The following P2RY14 variants were observed in gnomAD, a reference collection of about 807,000 sequenced individuals.
P2RY14 encodes P2Y purinoceptor 14.
In P2RY14, 2 loss-of-function variants were observed where a neutral mutation model predicts 0.9. The ratio of observed to expected loss-of-function variants is 2.16; its 90% CI spans 0.88 to 6.79. The LOEUF is 6.79. Ranked by LOEUF, P2RY14 falls within the 30% of genes most tolerant of loss-of-function variation. The probability of loss-of-function intolerance (pLI) is 0.05; values close to 1 mark genes in which losing one functional copy is unlikely to be tolerated. For synonymous variants in P2RY14, 158 were observed against 147.2 expected (o/e 1.07, Z -0.53); for missense variants, 378 against 400.1 (o/e 0.94, Z 0.47).
rs545337270 is a variant in P2RY14, at chr3:151,213,894, C to T, written c.423G>A (p.Leu141=). 1 of 1,614,078 alleles carries T rather than the reference C, an allele frequency of 6.2e-7. No individual in the cohort carries two copies. Among genetic ancestry groups the T allele is most frequent in the African/African-American group, 1.3e-5 (1 of 75,052 alleles). ...GCATGAGCATCCATACTATCACTGA[C>T]AGAAGTTTGCTGTAACTCACTGACT... ...FIQSVSYSKL[L]SVIVWMLMLL... is the part of the protein sequence containing the mutation. The change falls in exon 3 of 3, where the codon CTG becomes CTA. Residue 141 remains leucine (L), a synonymous_variant. Coordinates refer to ENST00000309170, the MANE Select transcript of P2RY14 (RefSeq NM_014879.4).
At chr3:151,230,892 C>A (rs1731540175) in intron 1 of P2RY14, among the ~76,000 whole-genome samples, 1 of 152,106 alleles carries the variant, frequency 6.6e-6, no homozygotes, top group African/African-American at 2.4e-5. Flanking sequence ...TGAAAGGAAA[C>A]AGGGCTCCTT....
chr3:151,276,705 G>C (rs903020726), intron 1 of P2RY14, among the ~76,000 whole-genome samples: 5 of 152,114 alleles, frequency 3.3e-5, no homozygotes, highest in African/African-American at 1.2e-4. Context: ...TTCTTCTTCT[G>C]TTCAGCACTT....
intron 1 of P2RY14, among the ~76,000 whole-genome samples, chr3:151,277,179 C>T (rs1742011139): frequency 6.6e-6 from 1 of 151,158 alleles, no homozygotes; most frequent in Non-Finnish European, 1.5e-5. Context: ...GCTGGGATTA[C>T]AGGTGTGAGC....
At chr3:151,275,864 G>T (rs1186835944) in intron 1 of P2RY14, among the ~76,000 whole-genome samples, 3 of 152,124 alleles carry the variant, frequency 2.0e-5, no homozygotes, top group African/African-American at 7.2e-5. Context: ...TAGCTGTGCT[G>T]CTCAGACTTT....
At chr3:151,273,338 C>G (rs369381804) in intron 1 of P2RY14, among the ~76,000 whole-genome samples, 114 of 143,316 alleles carry the variant, frequency 8.0e-4, no homozygotes, top group African/African-American at 2.8e-3. Context: ...TCAAGCAATT[C>G]TGCCTCAGCC....
intron 1 of P2RY14, among the ~76,000 whole-genome samples, chr3:151,267,060 TTGTC>T (rs1559959995): frequency 6.6e-6 from 1 of 152,214 alleles, no homozygotes. Flanking sequence ...TAATTTAAAA[TTGTC>T]TGGGCAGCTC....
intron 1 of P2RY14, among the ~76,000 whole-genome samples, chr3:151,253,138 T>A (rs957847433): frequency 6.6e-6 from 1 of 152,140 alleles, no homozygotes; most frequent in Non-Finnish European, 1.5e-5. Context: ...GCTAAGGACT[T>A]CTGGAGATCT....
chr3:151,246,328 A>G (rs1735461043), intron 1 of P2RY14, among the ~76,000 whole-genome samples: 1 of 152,124 alleles, frequency 6.6e-6, no homozygotes, highest in Non-Finnish European at 1.5e-5. Context: ...TCCTAAGCCA[A>G]AAGAACAAAG....
intron 1 of P2RY14, among the ~76,000 whole-genome samples, chr3:151,255,416 C>A (rs988490435): frequency 1.3e-5 from 2 of 149,652 alleles, no homozygotes; most frequent in African/African-American, 5.0e-5. Flanking sequence ...GGAAAGTCCA[C>A]GGCAGTTAAA....
intron 1 of P2RY14, among the ~76,000 whole-genome samples, chr3:151,257,336 C>T (rs1005427956): frequency 6.6e-6 from 1 of 152,148 alleles, no homozygotes; most frequent in East Asian, 1.9e-4. Flanking sequence ...CATTTGTTGA[C>T]CTGTAGTCCT....
At chr3:151,242,432 C>T (rs1328123111) in intron 1 of P2RY14, among the ~76,000 whole-genome samples, 7 of 152,286 alleles carry the variant, frequency 4.6e-5, no homozygotes, top group East Asian at 1.9e-4. Context: ...GATCTGAGAA[C>T]CGGCAGACTG....
intron 1 of P2RY14, among the ~76,000 whole-genome samples, chr3:151,271,592 G>C (rs957534751): frequency 6.6e-6 from 1 of 152,128 alleles, no homozygotes; most frequent in Non-Finnish European, 1.5e-5. Flanking sequence ...CCAAAAGTTG[G>C]GAACAACCCA....
intron 1 of P2RY14, among the ~76,000 whole-genome samples, chr3:151,252,164 A>G (rs1736987400): frequency 6.6e-6 from 1 of 152,132 alleles, no homozygotes; most frequent in Admixed American, 6.6e-5. Flanking sequence ...ACCAAAAAGT[A>G]CTATTAATAT....
intron 1 of P2RY14, among the ~76,000 whole-genome samples, chr3:151,250,345 CATT>C (rs747686189): frequency 2.6e-5 from 4 of 152,192 alleles, no homozygotes; most frequent in Non-Finnish European, 5.9e-5. Context: ...ATTACATTCA[CATT>C]GTTGTGTAAC....
intron 1 of P2RY14, among the ~76,000 whole-genome samples, chr3:151,229,049 A>C (rs1180221470): frequency 2.0e-5 from 3 of 152,226 alleles, no homozygotes; most frequent in Non-Finnish European, 4.4e-5. Flanking sequence ...GTGAGAAAAC[A>C]ACAGCTTTAA....
At chr3:151,246,870 A>T (rs1261371330) in intron 1 of P2RY14, among the ~76,000 whole-genome samples, 1 of 152,238 alleles carries the variant, frequency 6.6e-6, no homozygotes, top group Non-Finnish European at 1.5e-5. Flanking sequence ...CAACCTACTC[A>T]TCTGACAAAG....
intron 1 of P2RY14, among the ~76,000 whole-genome samples, chr3:151,258,398 C>A (rs1051289202): frequency 1.3e-5 from 2 of 152,102 alleles, no homozygotes; most frequent in African/African-American, 2.4e-5. Flanking sequence ...AGAAAATTTT[C>A]TGTTATTTTC....
At chr3:151,248,198 G>T (rs1215877951) in intron 1 of P2RY14, among the ~76,000 whole-genome samples, 1 of 151,552 alleles carries the variant, frequency 6.6e-6, no homozygotes, top group Non-Finnish European at 1.5e-5. Context: ...GAAGAACCAA[G>T]GAAAGGAAAA....
chr3:151,262,493 A>G (rs2149505160), intron 1 of P2RY14, among the ~76,000 whole-genome samples: 1 of 152,336 alleles, frequency 6.6e-6, no homozygotes, highest in East Asian at 1.9e-4. Flanking sequence ...GCTCAGCCAT[A>G]GACTTTACAT....
Sources: gnomAD v4.1 joint callset for allele counts (sites outside exome capture counted in the v4.1 genomes callset) on GRCh38, gnomAD v4.1.1 for gene constraint, MANE v1.5 for transcripts, NCBI Gene and HGNC (gene_info 2026-07-23, HGNC 2026-07-21) for gene names.